The following AGBL1 variants were observed in gnomAD, a reference collection of about 807,000 sequenced individuals.
The protein encoded by AGBL1 is AGBL carboxypeptidase 1.
AGBL1 carries 130 observed loss-of-function variants against 118.9 expected under a neutral mutation model. The observed-to-expected ratio is 1.09, with a 90% confidence interval of 0.95 to 1.26. The LOEUF is 1.26. AGBL1 is among the 50% of genes most tolerant of loss of function. The pLI, the probability that AGBL1 is intolerant of heterozygous loss-of-function variation, is 0.00. For missense variants in AGBL1, 1,584 were observed against 1,298.1 expected (o/e 1.22, Z -3.38); for synonymous variants, 555 against 478.9 (o/e 1.16, Z -2.08).
intron 18 of AGBL1, among the ~76,000 whole-genome samples, chr15:86,403,973 A>G (rs950962048): frequency 3.3e-5 from 5 of 152,190 alleles, no homozygotes; most frequent in African/African-American, 1.2e-4. Flanking sequence ...AATTGTCTAG[A>G]TATTGAAAAC....
intron 17 of AGBL1, among the ~76,000 whole-genome samples, chr15:86,380,102 G>A (rs749608417): frequency 2.0e-5 from 3 of 151,734 alleles, no homozygotes; most frequent in Non-Finnish European, 4.4e-5. Flanking sequence ...TGACTTCCCG[G>A]GGACTTTTAA....
intron 22 of AGBL1, among the ~76,000 whole-genome samples, chr15:86,676,523 A>C (rs2085850375): frequency 6.6e-6 from 1 of 152,148 alleles, no homozygotes; most frequent in Non-Finnish European, 1.5e-5. Context: ...GTTTCTGAAG[A>C]ATAAAGTTAA....
At chr15:86,454,670 AT>A (rs1026264058) in intron 18 of AGBL1, among the ~76,000 whole-genome samples, 5 of 152,198 alleles carry the variant, frequency 3.3e-5, no homozygotes, top group Non-Finnish European at 7.4e-5. Context: ...GAATGATTCT[AT>A]TTTATGAAAT....
At chr15:86,659,720 G>A (rs2085510853) in intron 21 of AGBL1, among the ~76,000 whole-genome samples, 1 of 152,148 alleles carries the variant, frequency 6.6e-6, no homozygotes, top group African/African-American at 2.4e-5. Flanking sequence ...CAGGCAGGAA[G>A]CAGACAGGAC....
intron 5 of AGBL1, among the ~76,000 whole-genome samples, chr15:86,204,351 A>T (rs1207145238): frequency 6.6e-6 from 1 of 152,126 alleles, no homozygotes; most frequent in African/African-American, 2.4e-5. Context: ...CAATTTTAAG[A>T]TTGCAGCAAC....
At chr15:86,690,472 T>G (rs985283123) in intron 22 of AGBL1, among the ~76,000 whole-genome samples, 6 of 152,158 alleles carry the variant, frequency 3.9e-5, no homozygotes, top group Non-Finnish European at 5.9e-5. Flanking sequence ...GGGGTGAGAT[T>G]TAGTCCATTC....
chr15:86,762,592 T>C lies in AGBL1; in HGVS notation c.3158+88156T>C, dbSNP rs113077122. Among the ~76,000 whole-genome samples the C allele has an allele frequency of 5.2e-3, 787 of 152,090 alleles. 7 individuals are homozygous for C. The highest frequency in any genetic ancestry group is 0.018 in the African/African-American group (751 of 41,536). On this transcript the variant is annotated intron_variant, in intron 22 of 22. Coordinates refer to ENST00000614907, the MANE Select transcript of AGBL1 (RefSeq NM_001386094.1). ...AAGCTCTGAGGGAAGAAGCCCTGAC[T>C]GGTAGGCTCTCAACCACTCTACAAA...
chr15:86,366,678 A>G (rs1477431176), intron 17 of AGBL1, among the ~76,000 whole-genome samples: 3 of 152,136 alleles, frequency 2.0e-5, no homozygotes, highest in Non-Finnish European at 2.9e-5. Flanking sequence ...TTCCCATCAT[A>G]TTTCTTTACA....
intron 22 of AGBL1, among the ~76,000 whole-genome samples, chr15:86,811,620 A>C (rs777315641): frequency 6.6e-6 from 1 of 152,192 alleles, no homozygotes; most frequent in Non-Finnish European, 1.5e-5. Flanking sequence ...TACTTCTATC[A>C]ATCAGCAATC....
chr15:86,762,552 T>A (rs1385586911), intron 22 of AGBL1, among the ~76,000 whole-genome samples: 1 of 151,958 alleles, frequency 6.6e-6, no homozygotes, highest in Non-Finnish European at 1.5e-5. Flanking sequence ...CAGGAATTTA[T>A]TACTCCTTAC....
chr15:86,977,120 A>T (rs2081183998), intron 23 of AGBL1, among the ~76,000 whole-genome samples: 1 of 151,908 alleles, frequency 6.6e-6, no homozygotes, highest in Admixed American at 6.6e-5. Flanking sequence ...TAAAGATTTC[A>T]TATTTCTGGT....
At chr15:86,661,123 C>G (rs1433927859) in intron 21 of AGBL1, among the ~76,000 whole-genome samples, 1 of 152,126 alleles carries the variant, frequency 6.6e-6, no homozygotes, top group Admixed American at 6.6e-5. Flanking sequence ...TCCCAAAGTC[C>G]TAATGCAGAG....
At chr15:86,732,076 G>A (rs2077534263) in intron 22 of AGBL1, among the ~76,000 whole-genome samples, 1 of 152,182 alleles carries the variant, frequency 6.6e-6, no homozygotes, top group Non-Finnish European at 1.5e-5. Flanking sequence ...TTTTACAGAG[G>A]CAGCTACTGA....
intron 17 of AGBL1, among the ~76,000 whole-genome samples, chr15:86,338,965 T>C (rs906353539): frequency 3.3e-5 from 5 of 152,182 alleles, no homozygotes; most frequent in African/African-American, 9.7e-5. Flanking sequence ...GTTACAAGTG[T>C]TCCTATTTTT....
intron 5 of AGBL1, among the ~76,000 whole-genome samples, chr15:86,177,507 T>G (rs1469654579): frequency 2.6e-5 from 4 of 152,236 alleles, no homozygotes; most frequent in Non-Finnish European, 5.9e-5. Flanking sequence ...TCTTTTCAAC[T>G]GCAATGGAAT....
At chr15:86,921,446 A>T (rs760923835) in intron 23 of AGBL1, among the ~76,000 whole-genome samples, 2 of 152,210 alleles carry the variant, frequency 1.3e-5, no homozygotes, top group Admixed American at 6.5e-5. Flanking sequence ...TAGTTTCTAT[A>T]GGGAACCAAA....
intron 21 of AGBL1, among the ~76,000 whole-genome samples, chr15:86,625,080 C>T (rs777608781): frequency 1.3e-5 from 2 of 151,918 alleles, no homozygotes; most frequent in East Asian, 1.9e-4. Context: ...TCCAGTCATT[C>T]GACCAGGTTT....
At chr15:86,228,015 T>C (rs898126144) in intron 6 of AGBL1, among the ~76,000 whole-genome samples, 15 of 152,206 alleles carry the variant, frequency 9.9e-5, no homozygotes, top group Non-Finnish European at 2.1e-4. Context: ...AATAACAGCA[T>C]GCTAGGCAGC....
intron 17 of AGBL1, among the ~76,000 whole-genome samples, chr15:86,359,387 C>CTTTTTTTTTTTTTTTTTTTTTTTTTTTT (rs56189861): frequency 1.1e-5 from 1 of 93,808 alleles, no homozygotes; most frequent in Non-Finnish European, 2.1e-5. Flanking sequence ...TATTGGTTTT[C>CTTTTTTTTTTTTTTTTTTTTTTTTTTTT]TTTTTTTTTT....
Sources: allele counts gnomAD v4.1 joint callset (sites outside exome capture counted in the v4.1 genomes callset), GRCh38; gene constraint gnomAD v4.1.1; transcripts MANE v1.5; gene names NCBI Gene and HGNC (gene_info 2026-07-23, HGNC 2026-07-21).